SCD5: variants seen among roughly 807,000 people sequenced by gnomAD.
SCD5 encodes the protein stearoyl-CoA desaturase 5.
SCD5 carries 20 observed loss-of-function variants against 30.4 expected under a neutral mutation model. The observed-to-expected ratio is 0.66, with a 90% confidence interval of 0.46 to 0.96. SCD5 has a LOEUF of 0.96. SCD5 is among the 40% of genes least tolerant of loss of function. The pLI, the probability that SCD5 is intolerant of heterozygous loss-of-function variation, is 0.00. For missense variants in SCD5, 381 were observed against 443.3 expected, an observed-to-expected ratio of 0.86 and a Z score of 1.26; for synonymous variants, 173 against 176.4, an observed-to-expected ratio of 0.98 and a Z score of 0.16.
At chr4:82,779,518 T>C (rs752184063) in intron 1 of SCD5, among the ~76,000 whole-genome samples, 34 of 152,230 alleles carry the variant, frequency 2.2e-4, no homozygotes, top group Non-Finnish European at 4.4e-4. Flanking sequence ...CCACCAGGCA[T>C]GCATCAGTGG....
At chr4:82,795,938 ATT>A (rs1158973676) in intron 1 of SCD5, among the ~76,000 whole-genome samples, 1 of 141,826 alleles carries the variant, frequency 7.1e-6, no homozygotes. Context: ...ATTGTCTGCT[ATT>A]TTTTTTTTTA....
chr4:82,651,827 C>T (rs533289172), intron 3 of SCD5, among the ~76,000 whole-genome samples: 2 of 152,234 alleles, frequency 1.3e-5, no homozygotes, highest in South Asian at 2.1e-4. Flanking sequence ...GCAGGAGAAT[C>T]GCTTGAACCT....
At chr4:82,723,748 T>C (rs909402252) in intron 1 of SCD5, among the ~76,000 whole-genome samples, 1 of 152,118 alleles carries the variant, frequency 6.6e-6, no homozygotes, top group Non-Finnish European at 1.5e-5. Context: ...AGAGGGAAGG[T>C]AGAAACAATC....
intron 3 of SCD5, among the ~76,000 whole-genome samples, chr4:82,672,499 T>C (rs971288266): frequency 1.3e-5 from 2 of 151,820 alleles, no homozygotes; most frequent in East Asian, 3.9e-4. Context: ...CAAGAAAAAA[T>C]AGACAATCTA....
At chr4:82,769,737 T>A (rs1274775451) in intron 1 of SCD5, among the ~76,000 whole-genome samples, 2 of 152,198 alleles carry the variant, frequency 1.3e-5, no homozygotes, top group Non-Finnish European at 2.9e-5. Context: ...AGGGTCCCAA[T>A]GTCTCTGACT....
At chr4:82,688,296 A>C (rs1266600849) in intron 2 of SCD5, among the ~76,000 whole-genome samples, 1 of 152,040 alleles carries the variant, frequency 6.6e-6, no homozygotes, top group Non-Finnish European at 1.5e-5. Context: ...GTACATGTGC[A>C]TGTGCGTGTG....
At chr4:82,663,399 G>C (rs1044134132) in intron 3 of SCD5, among the ~76,000 whole-genome samples, 1 of 152,186 alleles carries the variant, frequency 6.6e-6, no homozygotes, top group Non-Finnish European at 1.5e-5. Context: ...GTGCTCACAA[G>C]GAAGGTTGGG....
chr4:82,766,167 G>C (rs1411489151), intron 1 of SCD5, among the ~76,000 whole-genome samples: 1 of 152,128 alleles, frequency 6.6e-6, no homozygotes, highest in Non-Finnish European at 1.5e-5. Context: ...TTTAGCCAGT[G>C]TTTCTTCAAA....
intron 3 of SCD5, among the ~76,000 whole-genome samples, chr4:82,665,754 TAAAG>T (rs1219149082): frequency 2.0e-5 from 3 of 152,142 alleles, no homozygotes; most frequent in East Asian, 1.9e-4. Flanking sequence ...CATACAAAAA[TAAAG>T]AAGCTGGAAA....
At chr4:82,736,309 A>AC (rs951408277) in intron 1 of SCD5, among the ~76,000 whole-genome samples, 22 of 151,590 alleles carry the variant, frequency 1.5e-4, no homozygotes, top group Non-Finnish European at 8.8e-5. Context: ...ACAAAACAAA[A>AC]AAAAAACCAT....
intron 2 of SCD5, among the ~76,000 whole-genome samples, chr4:82,681,211 T>A (rs1388543737): frequency 6.6e-6 from 1 of 152,050 alleles, no homozygotes; most frequent in Non-Finnish European, 1.5e-5. Context: ...AAAGCTCTGG[T>A]GGGGGCGACT....
At chr4:82,718,236 C>A (rs1720274519) in intron 1 of SCD5, among the ~76,000 whole-genome samples, 1 of 151,806 alleles carries the variant, frequency 6.6e-6, no homozygotes, top group Admixed American at 6.5e-5. Flanking sequence ...GAGTGCTGTG[C>A]TCTGGAGGGA....
intron 1 of SCD5, among the ~76,000 whole-genome samples, chr4:82,765,053 A>G (rs1178532606): frequency 6.6e-6 from 1 of 152,138 alleles, no homozygotes. Flanking sequence ...ACGAAAATTT[A>G]TTTTATATTT....
intron 1 of SCD5, among the ~76,000 whole-genome samples, chr4:82,753,805 T>C (rs1416045797): frequency 1.3e-5 from 2 of 152,090 alleles, no homozygotes; most frequent in Non-Finnish European, 2.9e-5. Flanking sequence ...CAGAAGTCTA[T>C]GAAAATCCAA....
rs558507794 is a variant in SCD5 at position 82,648,550 on chromosome 4, G to C, written c.570-11727C>G. On this transcript the variant is annotated intron_variant, in intron 3 of 4. Transcript: ENST00000319540. Reference sequence around the variant, plus strand: ...GGATGCTCTGTGTTGGTTTCCAAGAGGGTCGATTGAGGTAGGAGTCTCGGT... The same window carrying C: ...GGATGCTCTGTGTTGGTTTCCAAGACGGTCGATTGAGGTAGGAGTCTCGGT... 4.6e-5 allele frequency among the ~76,000 whole-genome samples: 7 copies of C among 152,266 alleles called. No homozygotes were observed. The East Asian group carries it at 1.4e-3, about 29-fold the overall frequency.
At chr4:82,650,442 C>G (rs1727727632) in intron 3 of SCD5, among the ~76,000 whole-genome samples, 4 of 152,162 alleles carry the variant, frequency 2.6e-5, no homozygotes, top group African/African-American at 9.7e-5. Flanking sequence ...TGCCTGTAAT[C>G]CCAGCACTTT....
At chr4:82,746,112 CCA>C in intron 1 of SCD5, among the ~76,000 whole-genome samples, 1 of 152,260 alleles carries the variant, frequency 6.6e-6, no homozygotes, top group South Asian at 2.1e-4. Context: ...AAACTGTTAC[CCA>C]CAGTCCAAAA....
At chr4:82,652,449 T>C (rs940398473) in intron 3 of SCD5, among the ~76,000 whole-genome samples, 3 of 152,186 alleles carry the variant, frequency 2.0e-5, no homozygotes, top group African/African-American at 7.2e-5. Flanking sequence ...ACTATGACAG[T>C]GTAACTCAGT....
chr4:82,719,427 A>C (rs1720308670), intron 1 of SCD5, among the ~76,000 whole-genome samples: 1 of 151,878 alleles, frequency 6.6e-6, no homozygotes, highest in Non-Finnish European at 1.5e-5. Flanking sequence ...TAAAAAGAGA[A>C]TATAGTAATA....
Sources: gnomAD v4.1 joint callset for allele counts (sites outside exome capture counted in the v4.1 genomes callset) on GRCh38, gnomAD v4.1.1 for gene constraint, MANE v1.5 for transcripts, NCBI Gene and HGNC (gene_info 2026-07-23, HGNC 2026-07-21) for gene names.